Variants in LOC128706666 observed in about 807,000 individuals in gnomAD.
the LOC128706666 span, among the ~76,000 whole-genome samples, chr20:10,422,202 C>A: frequency 4.6e-5 from 7 of 152,038 alleles, no homozygotes; most frequent in Non-Finnish European, 1.0e-4. Flanking sequence ...GGTCTCAATT[C>A]ATATTTTATA....
chr20:10,417,231 G>A, the LOC128706666 span, among the ~76,000 whole-genome samples: 9 of 132,976 alleles, frequency 6.8e-5, no homozygotes, highest in African/African-American at 2.6e-4. Flanking sequence ...GGGTGACAGA[G>A]TGAGACTCCA....
the LOC128706666 span, among the ~76,000 whole-genome samples, chr20:10,430,373 T>A: frequency 6.6e-6 from 1 of 152,206 alleles, no homozygotes; most frequent in Non-Finnish European, 1.5e-5. Flanking sequence ...ATGTGAATAA[T>A]AACATCCATA....
the LOC128706666 span, among the ~76,000 whole-genome samples, chr20:10,416,196 A>G: frequency 1.3e-5 from 2 of 152,218 alleles, no homozygotes; most frequent in Non-Finnish European, 2.9e-5. Context: ...TTAAAATAAC[A>G]GTAAAACTTG....
the LOC128706666 span, among the ~76,000 whole-genome samples, chr20:10,426,246 A>G: frequency 6.6e-6 from 1 of 152,318 alleles, no homozygotes; most frequent in African/African-American, 2.4e-5. Context: ...GTACTCTACT[A>G]AGCAATTCTT....
At chr20:10,413,971 CCAAG>C in the LOC128706666 span, 2 of 402,676 alleles carry the variant, frequency 5.0e-6, no homozygotes, top group Non-Finnish European at 8.7e-6. Context: ...GAAATACTTC[CCAAG>C]CAGTTTGTAG....
chr20:10,424,976 C>A, the LOC128706666 span, among the ~76,000 whole-genome samples: 2 of 151,528 alleles, frequency 1.3e-5, no homozygotes, highest in Non-Finnish European at 2.9e-5. Flanking sequence ...TCACTTGAAC[C>A]TGGGAGGCGG....
chr20:10,413,780 A>C, the LOC128706666 span: 1 of 585,492 alleles, frequency 1.7e-6, no homozygotes, highest in Non-Finnish European at 3.0e-6. Context: ...GAAATTTTAC[A>C]GACTGCTTTG....
chr20:10,426,804 C>CA, the LOC128706666 span, among the ~76,000 whole-genome samples: 3 of 152,106 alleles, frequency 2.0e-5, no homozygotes, highest in East Asian at 3.9e-4. Flanking sequence ...GTAAGAAAAA[C>CA]AAAAAAATTA....
the LOC128706666 span, among the ~76,000 whole-genome samples, chr20:10,431,007 C>T: frequency 1.3e-5 from 2 of 152,188 alleles, no homozygotes; most frequent in East Asian, 3.8e-4. Context: ...AATTACTTCT[C>T]TCCTGCCTCA....
the LOC128706666 span, among the ~76,000 whole-genome samples, chr20:10,423,335 C>T: frequency 0.14 from 21,707 of 151,942 alleles, 1,744 homozygotes; most frequent in East Asian, 0.24. Context: ...GTAGGAGGAT[C>T]GCTTGGACCT....
the LOC128706666 span, among the ~76,000 whole-genome samples, chr20:10,424,931 T>C: frequency 6.6e-6 from 1 of 151,912 alleles, no homozygotes; most frequent in Non-Finnish European, 1.5e-5. Context: ...CAGGCGCCTG[T>C]AATCCCAGCT....
the LOC128706666 span, among the ~76,000 whole-genome samples, chr20:10,429,793 G>C: frequency 3.3e-5 from 5 of 152,102 alleles, no homozygotes; most frequent in Admixed American, 6.5e-5. Flanking sequence ...AATTCCAGTA[G>C]TTCTCAAACT....
chr20:10,416,058 C>T, the LOC128706666 span, among the ~76,000 whole-genome samples: 1 of 152,194 alleles, frequency 6.6e-6, no homozygotes, highest in Non-Finnish European at 1.5e-5. Flanking sequence ...TCTATTAAAA[C>T]TCTTTCTTCC....
chr20:10,427,029 G>GACACACACACAC, the LOC128706666 span, among the ~76,000 whole-genome samples: 2,222 of 130,674 alleles, frequency 0.017, 45 homozygotes, highest in Middle Eastern at 0.03. Flanking sequence ...AGAAAACACT[G>GACACACACACAC]ACACACACAC....
chr20:10,418,937 A>G, the LOC128706666 span, among the ~76,000 whole-genome samples: 1 of 152,136 alleles, frequency 6.6e-6, no homozygotes, highest in Non-Finnish European at 1.5e-5. Context: ...AGAATGTCCT[A>G]AAGTTACTCT....
At chr20:10,424,515 C>T in the LOC128706666 span, among the ~76,000 whole-genome samples, 1 of 151,980 alleles carries the variant, frequency 6.6e-6, no homozygotes, top group Non-Finnish European at 1.5e-5. Flanking sequence ...GCCTGCATAA[C>T]CTCTTCTCAG....
the LOC128706666 span, among the ~76,000 whole-genome samples, chr20:10,424,378 G>A: frequency 6.6e-6 from 1 of 152,030 alleles, no homozygotes; most frequent in Admixed American, 6.5e-5. Flanking sequence ...AATACAGTGA[G>A]ACTTCATCTC....
At chr20:10,419,556 C>G in the LOC128706666 span, among the ~76,000 whole-genome samples, 1 of 152,000 alleles carries the variant, frequency 6.6e-6, no homozygotes, top group African/African-American at 2.4e-5. Context: ...AGCACTAAAC[C>G]CTATATATAC....
At chr20:10,432,165 A>C in the LOC128706666 span, among the ~76,000 whole-genome samples, 29 of 152,356 alleles carry the variant, frequency 1.9e-4, no homozygotes, top group African/African-American at 6.5e-4. Context: ...GGGGTATAAA[A>C]GCCTGGCCCT....
Sources: gnomAD v4.1 joint callset for allele counts (sites outside exome capture counted in the v4.1 genomes callset) on GRCh38, gnomAD v4.1.1 for gene constraint, MANE v1.5 for transcripts.